NTM: variants seen among roughly 807,000 people sequenced by gnomAD.
NTM encodes neurotrimin, also known as IgLON family member 2.
Under a neutral mutation model 42.1 loss-of-function variants are expected in NTM, and 13 were observed. The ratio of observed to expected loss-of-function variants is 0.31; its 90% CI spans 0.20 to 0.49. The LOEUF is 0.49. Among genes scored for constraint, NTM ranks in the 20% least tolerant of loss-of-function variants. The pLI is 0.99. For missense variants in NTM, 373 were observed against 452.8 expected, an observed-to-expected ratio of 0.82 and a Z score of 1.60; for synonymous variants, 187 against 179.2, an observed-to-expected ratio of 1.04 and a Z score of -0.35.
chr11:131,851,038 T>C (rs1461636736), intron 1 of NTM, among the ~76,000 whole-genome samples: 6 of 152,152 alleles, frequency 3.9e-5, no homozygotes, highest in Admixed American at 1.3e-4. Flanking sequence ...CTCCTGAGTG[T>C]CCACACCAAA....
intron 1 of NTM, among the ~76,000 whole-genome samples, chr11:131,385,567 A>G (rs2135550869): frequency 6.6e-6 from 1 of 152,320 alleles, no homozygotes; most frequent in South Asian, 2.1e-4. Flanking sequence ...CAAAAAGCTA[A>G]ACAGGCTGGG....
chr11:132,205,868 C>T (rs2081914510), intron 3 of NTM, among the ~76,000 whole-genome samples: 1 of 152,188 alleles, frequency 6.6e-6, no homozygotes, highest in African/African-American at 2.4e-5. Context: ...CCCTCATCAT[C>T]TCACCATCAG....
chr11:131,723,289 C>T (rs1400036917), intron 1 of NTM, among the ~76,000 whole-genome samples: 1 of 152,192 alleles, frequency 6.6e-6, no homozygotes, highest in East Asian at 1.9e-4. Flanking sequence ...CAACTGCAGC[C>T]CGCTATTGTT....
At chr11:131,410,869 A>C (rs1269991688) in intron 1 of NTM, among the ~76,000 whole-genome samples, 1 of 152,176 alleles carries the variant, frequency 6.6e-6, no homozygotes, top group African/African-American at 2.4e-5. Context: ...ACATCTTCAC[A>C]CTGAAAAAAT....
chr11:131,774,003 G>A lies in NTM; in HGVS notation c.83-137561G>A, dbSNP rs138649958. 339 of 984,250 alleles carry A rather than the reference G, an allele frequency of 3.4e-4. 1 individual carries two copies. The highest frequency in any genetic ancestry group is 2.6e-3 in the Middle Eastern group (5 of 1,914). 61.0% of individuals were successfully genotyped at this position (984,250 alleles called of 1,614,324 possible). A position where few individuals can be genotyped will look rare whatever the true frequency, so the allele number is the denominator to read the frequency against. The stretch of plus-strand genomic sequence containing the variant: ...CCTCCAATTCCTGACATCTTCCGTC[G>A]TCTCATTTTTAAACAAAATAGTCAA... On this transcript the variant is annotated intron_variant, in intron 1 of 8. Transcript: ENST00000683400.
chr11:132,000,703 G>A (rs2069043059), intron 2 of NTM, among the ~76,000 whole-genome samples: 1 of 152,098 alleles, frequency 6.6e-6, no homozygotes, highest in South Asian at 2.1e-4. Context: ...AACACACAAA[G>A]CATAGACTAT....
intron 1 of NTM, chr11:131,385,285 G>C (rs1288861807): frequency 6.6e-6 from 1 of 152,196 alleles, no homozygotes; most frequent in Non-Finnish European, 1.5e-5. Flanking sequence ...GTATTCCCTT[G>C]ATAAGGATGG....
At position 132,003,503 on chromosome 11, in the gene NTM, T is replaced by C. The variant is rs571992800; in HGVS notation, c.167+91855T>C. ...TCAAGCGATCCTTCTGGCTCAGACC[T>C]CCAATGTGCTGGGATTATAAGCATT... On this transcript the variant is annotated intron_variant, in intron 2 of 8. Coordinates refer to ENST00000683400, the MANE Select transcript of NTM (RefSeq NM_001352005.2). The surrounding 1 kb of genome is among the most constrained non-coding windows in gnomAD (Gnocchi z 6.0). Among the ~76,000 whole-genome samples, 1 of 152,118 alleles carries C rather than the reference T, an allele frequency of 6.6e-6. No homozygotes were observed. Among genetic ancestry groups the C allele is most frequent in the Admixed American group, 6.6e-5 (1 of 15,258 alleles).
chr11:131,394,523 T>A (rs1023039845), intron 1 of NTM, among the ~76,000 whole-genome samples: 1 of 152,258 alleles, frequency 6.6e-6, no homozygotes, highest in South Asian at 2.1e-4. Flanking sequence ...AGTTGTTGAG[T>A]GACTTTGGAG....
chr11:131,564,434 G>T (rs1414681027), intron 1 of NTM, among the ~76,000 whole-genome samples: 3 of 142,132 alleles, frequency 2.1e-5, no homozygotes, highest in African/African-American at 3.1e-5. Context: ...AGAGGGATAG[G>T]GTGGGTAGGG....
At chr11:131,830,066 C>A (rs1010320467) in intron 1 of NTM, among the ~76,000 whole-genome samples, 1 of 152,106 alleles carries the variant, frequency 6.6e-6, no homozygotes. Flanking sequence ...GTTTATTATG[C>A]ATTCTCCATA....
intron 3 of NTM, among the ~76,000 whole-genome samples, chr11:132,193,827 AT>A (rs777749873): frequency 3.3e-5 from 5 of 152,164 alleles, no homozygotes; most frequent in Non-Finnish European, 7.4e-5. Context: ...CTCAGAGACT[AT>A]TAAAAACACT....
intron 2 of NTM, among the ~76,000 whole-genome samples, chr11:131,931,981 G>GCCT (rs1374885471): frequency 6.6e-6 from 1 of 152,220 alleles, no homozygotes; most frequent in East Asian, 1.9e-4. Flanking sequence ...CCACGGCGGT[G>GCCT]CCTCGATCTG....
At chr11:132,135,918 T>C (rs1373084678) in intron 2 of NTM, among the ~76,000 whole-genome samples, 1 of 152,144 alleles carries the variant, frequency 6.6e-6, no homozygotes, top group Non-Finnish European at 1.5e-5. Flanking sequence ...CACTGGGAGC[T>C]TTCCTCTTTC....
chr11:131,501,331 A>AGGGT (rs34629956), intron 1 of NTM, among the ~76,000 whole-genome samples: 1 of 152,132 alleles, frequency 6.6e-6, no homozygotes, highest in Non-Finnish European at 1.5e-5. Context: ...TGGCCAATGA[A>AGGGT]GGCCCCTCTG....
chr11:131,730,063 A>G (rs556923263), intron 1 of NTM, among the ~76,000 whole-genome samples: 3 of 152,308 alleles, frequency 2.0e-5, no homozygotes, highest in Admixed American at 6.5e-5. Context: ...TCCCACCAGC[A>G]ATGTAGGAGG....
chr11:132,277,711 A>G (rs919199998), intron 4 of NTM, among the ~76,000 whole-genome samples: 4 of 152,206 alleles, frequency 2.6e-5, no homozygotes, highest in African/African-American at 9.6e-5. Context: ...GGAAAATAGT[A>G]TATTATTTGG....
chr11:131,396,445 G>A (rs116970210), intron 1 of NTM, among the ~76,000 whole-genome samples: 1,931 of 152,122 alleles, frequency 0.013, 19 homozygotes, highest in Non-Finnish European at 0.018. Flanking sequence ...CACACCTCTC[G>A]GTCTGTTGCT....
intron 1 of NTM, among the ~76,000 whole-genome samples, chr11:131,794,305 T>C (rs1272406583): frequency 2.0e-5 from 3 of 152,210 alleles, no homozygotes; most frequent in Non-Finnish European, 2.9e-5. Context: ...CGTTTTGTAA[T>C]GGCCCAACTT....
Sources: allele counts gnomAD v4.1 joint callset (sites outside exome capture counted in the v4.1 genomes callset), GRCh38; gene constraint gnomAD v4.1.1; non-coding constraint Gnocchi (gnomAD v3.1); transcripts MANE v1.5; gene names NCBI Gene and HGNC (gene_info 2026-07-23, HGNC 2026-07-21).